Variants in CAMK1D observed in about 807,000 individuals in gnomAD.
CAMK1D encodes calcium/calmodulin dependent protein kinase ID.
CAMK1D carries 9 observed loss-of-function variants against 47.7 expected under a neutral mutation model. The observed-to-expected ratio is 0.19, with a 90% confidence interval of 0.11 to 0.33. The LOEUF is 0.33. Among genes scored for constraint, CAMK1D ranks in the 10% least tolerant of loss-of-function variants. The probability of loss-of-function intolerance (pLI) is 1.00; values close to 1 mark genes in which losing one functional copy is unlikely to be tolerated. For missense variants in CAMK1D, 291 were observed against 488.7 expected (o/e 0.60, Z 3.81); for synonymous variants, 184 against 184.9 (o/e 0.99, Z 0.04).
chr10:12,777,445 T>TCC (rs1462616303), intron 5 of CAMK1D, among the ~76,000 whole-genome samples: 3 of 141,396 alleles, frequency 2.1e-5, no homozygotes, highest in Non-Finnish European at 4.5e-5. Flanking sequence ...CGATCTCAGC[T>TCC]CACTGCAACC....
rs2132263426 is a variant in CAMK1D at position 12,548,758 on chromosome 10, C to T, written c.93-4467C>T. Among the ~76,000 whole-genome samples, 2 of 152,166 alleles carry T rather than the reference C, an allele frequency of 1.3e-5. 1 individual carries two copies. Among genetic ancestry groups the T allele is most frequent in the South Asian group, 4.1e-4 (2 of 4,822 alleles). ...GGGATTATAGGCATGAGCCACCGCG[C>T]CCGGCCTATTTTAACCATTTTACAG... On this transcript the variant is annotated intron_variant, in intron 1 of 10. Coordinates refer to ENST00000619168, the MANE Select transcript of CAMK1D (RefSeq NM_153498.4).
chr10:12,595,992 A>C (rs2132375087), intron 2 of CAMK1D, among the ~76,000 whole-genome samples: 1 of 151,960 alleles, frequency 6.6e-6, no homozygotes, highest in East Asian at 2.0e-4. Flanking sequence ...ACCCAGCTGC[A>C]GGGGAGTCTG....
chr10:12,785,302 C>T lies in CAMK1D; in HGVS notation c.566-5856C>T, dbSNP rs192738673. Among the ~76,000 whole-genome samples, 617 of 152,264 alleles carry T rather than the reference C, an allele frequency of 4.1e-3. 2 individuals carry two copies. The highest frequency in any genetic ancestry group is 0.014 in the African/African-American group (589 of 41,540). The stretch of plus-strand genomic sequence containing the variant: ...GGCCAGGAGAATAGGCCCTTTCCTG[C>T]TTTGTCTGGAGGCTGGGGACATCTT... On this transcript the variant is annotated intron_variant, in intron 5 of 10. Transcript: ENST00000619168.
chr10:12,834,701 A>G lies in CAMK1D; in HGVS notation c.*5814A>G. 6.6e-6 allele frequency: 1 copy of G among 152,282 alleles called. No individual in the cohort carries two copies. 9.4% of individuals were successfully genotyped at this position (152,282 alleles called of 1,614,324 possible). On this transcript the variant is annotated 3_prime_UTR_variant, in exon 11 of 11. Transcript: ENST00000619168. ...TTTATTTTCTTATGGACAGGAAAAA[A>G]GAAAATGAGGAGGAGTTGGTTTTAC...
intron 3 of CAMK1D, among the ~76,000 whole-genome samples, chr10:12,685,369 T>G (rs963776237): frequency 2.0e-5 from 3 of 152,168 alleles, no homozygotes; most frequent in African/African-American, 7.2e-5. Flanking sequence ...TGACCTTTAG[T>G]TGTAGATAAG....
intron 2 of CAMK1D, among the ~76,000 whole-genome samples, chr10:12,622,935 C>T (rs556138954): frequency 1.5e-4 from 23 of 151,966 alleles, no homozygotes; most frequent in East Asian, 3.9e-4. Flanking sequence ...TGGTGTAAAG[C>T]GCCTTGCTTC....
intron 1 of CAMK1D, among the ~76,000 whole-genome samples, chr10:12,505,151 C>T (rs1834831827): frequency 6.6e-6 from 1 of 152,194 alleles, no homozygotes; most frequent in Admixed American, 6.5e-5. Context: ...CTGATAGATG[C>T]AGAAGCCGTC....
At chr10:12,387,417 T>TA (rs1838550227) in intron 1 of CAMK1D, among the ~76,000 whole-genome samples, 1 of 48,258 alleles carries the variant, frequency 2.1e-5, no homozygotes, top group Admixed American at 3.3e-4. Context: ...TTATATATAT[T>TA]TTATATATTT....
intron 2 of CAMK1D, among the ~76,000 whole-genome samples, chr10:12,572,047 C>CA (rs1020883899): frequency 6.7e-6 from 1 of 149,602 alleles, no homozygotes. Context: ...AAACCCCCCC[C>CA]CAAAAAAAAA....
At chr10:12,698,102 C>G (rs1439694834) in intron 3 of CAMK1D, among the ~76,000 whole-genome samples, 4 of 152,202 alleles carry the variant, frequency 2.6e-5, no homozygotes, top group African/African-American at 9.6e-5. Context: ...ATAAATACTA[C>G]TCCGTTGTCA....
At position 12,407,857 on chromosome 10, in the gene CAMK1D, TTTTTC is replaced by T. The variant is rs1267830452; in HGVS notation, c.92+57952_92+57956del. 1.5e-4 allele frequency among the ~76,000 whole-genome samples: 18 copies of T among 122,214 alleles called. No homozygotes were observed. In the South Asian group the frequency reaches 2.7e-3, roughly 19 times the overall value. 80.2% of individuals were successfully genotyped at this position (122,214 alleles called of 152,430 possible). On this transcript the variant is annotated intron_variant, in intron 1 of 10. Coordinates refer to ENST00000619168, the MANE Select transcript of CAMK1D (RefSeq NM_153498.4). Reference sequence around the variant, plus strand: ...GGTGTGATTGGCTGACTCTTTTTTTTTTTTCTTTTTTTTTTTTTGAGAGAGACTCT... The same window carrying T: ...GGTGTGATTGGCTGACTCTTTTTTTTTTTTTTTTTTTTTGAGAGAGACTCT...
intron 2 of CAMK1D, among the ~76,000 whole-genome samples, chr10:12,599,272 A>G (rs1469331020): frequency 6.6e-6 from 1 of 152,186 alleles, no homozygotes; most frequent in Non-Finnish European, 1.5e-5. Flanking sequence ...TCCCTGCTGC[A>G]TCTTATTTTG....
chr10:12,652,587 C>T lies in CAMK1D; in HGVS notation c.225-14149C>T, dbSNP rs536259514. Among the ~76,000 whole-genome samples the T allele has an allele frequency of 3.5e-3, 517 of 149,176 alleles. 4 individuals are homozygous for T. The highest frequency in any genetic ancestry group is 0.012 in the African/African-American group (484 of 40,450). ...TGGGCGACAGAGCGAGACTCCATCT[C>T]GAAAAAAAAAAGAAAGAAAGAAAAC... On this transcript the variant is annotated intron_variant, in intron 2 of 10. Coordinates refer to ENST00000619168, the MANE Select transcript of CAMK1D (RefSeq NM_153498.4).
intron 2 of CAMK1D, among the ~76,000 whole-genome samples, chr10:12,657,319 G>A (rs1458199743): frequency 6.6e-6 from 1 of 152,078 alleles, no homozygotes; most frequent in East Asian, 1.9e-4. Context: ...CAGCTACTCG[G>A]GAGGCTGAGG....
intron 2 of CAMK1D, among the ~76,000 whole-genome samples, chr10:12,579,773 G>A (rs1403477444): frequency 1.3e-5 from 2 of 152,146 alleles, no homozygotes; most frequent in Admixed American, 6.5e-5. Flanking sequence ...CACTGTGATG[G>A]GGACCGTGGG....
chr10:12,544,299 T>G (rs1836290109), intron 1 of CAMK1D, among the ~76,000 whole-genome samples: 1 of 152,240 alleles, frequency 6.6e-6, no homozygotes. Context: ...AATAAATGTC[T>G]TGTCACAACT....
chr10:12,743,575 A>G (rs1463277253), intron 3 of CAMK1D, among the ~76,000 whole-genome samples: 1 of 152,200 alleles, frequency 6.6e-6, no homozygotes, highest in Admixed American at 6.5e-5. Flanking sequence ...CAGTACTTTA[A>G]TATGTTCACA....
chr10:12,465,718 A>G (rs1048606382), intron 1 of CAMK1D, among the ~76,000 whole-genome samples: 1 of 152,166 alleles, frequency 6.6e-6, no homozygotes, highest in Non-Finnish European at 1.5e-5. Context: ...CTCGTATTTT[A>G]TCCAGGTTGT....
At chr10:12,605,364 G>GTGTGTA (rs765582821) in intron 2 of CAMK1D, among the ~76,000 whole-genome samples, 1 of 151,330 alleles carries the variant, frequency 6.6e-6, no homozygotes, top group Non-Finnish European at 1.5e-5. Flanking sequence ...GTGTGTGTGT[G>GTGTGTA]TGTATGTGTG....
Sources: allele counts gnomAD v4.1 joint callset (sites outside exome capture counted in the v4.1 genomes callset), GRCh38; gene constraint gnomAD v4.1.1; transcripts MANE v1.5; gene names NCBI Gene and HGNC (gene_info 2026-07-23, HGNC 2026-07-21).